Variants in MYH14 observed in about 807,000 individuals in gnomAD.
MYH14 encodes the protein myosin heavy chain 14, also known as myosin-14.
A neutral mutation model predicts 255.5 loss-of-function variants in MYH14; 123 were observed. The ratio of observed to expected loss-of-function variants is 0.48; its 90% CI spans 0.42 to 0.56. The LOEUF (loss-of-function observed/expected upper bound fraction) is 0.56. Among genes scored for constraint, MYH14 ranks in the 20% least tolerant of loss-of-function variants. The probability of loss-of-function intolerance (pLI) is 0.00; values close to 1 mark genes in which losing one functional copy is unlikely to be tolerated. For synonymous variants in MYH14, 1,095 were observed against 1,161.2 expected, an observed-to-expected ratio of 0.94 and a Z score of 1.16; for missense variants, 2,423 against 2,802.3, an observed-to-expected ratio of 0.86 and a Z score of 3.06.
intron 2 of MYH14, among the ~76,000 whole-genome samples, chr19:50,216,466 G>A (rs2032478553): frequency 6.6e-6 from 1 of 152,016 alleles, no homozygotes; most frequent in Non-Finnish European, 1.5e-5. Context: ...TAGCCTAGTG[G>A]ATTGACACAC....
chr19:50,236,351 G>A (rs548513314), intron 10 of MYH14, among the ~76,000 whole-genome samples: 2 of 151,798 alleles, frequency 1.3e-5, no homozygotes, highest in African/African-American at 4.8e-5. Context: ...ACAAGCTACC[G>A]TGAATATCCT....
Position 50,230,900 on chromosome 19 carries a change from C to T in MYH14, c.973+277C>T, listed in dbSNP as rs374300056. On this transcript the variant is annotated intron_variant, in intron 9 of 42. Coordinates refer to ENST00000642316, the MANE Select transcript of MYH14 (RefSeq NM_001145809.2). The surrounding 1 kb of genome is among the most constrained non-coding windows in gnomAD (Gnocchi z 4.7). The stretch of plus-strand genomic sequence containing the variant: ...CCGCCTGGTGGCTCCTGCTCACGCT[C>T]GCTTCCGAAGCTCCGTGGCTTCTCT... 1.1e-5 allele frequency: 5 copies of T among 452,808 alleles called. No homozygotes were observed. In the East Asian group the frequency reaches 2.0e-4, roughly 18 times the overall value. 28.0% of individuals were successfully genotyped at this position (452,808 alleles called of 1,614,324 possible).
At chr19:50,241,340 C>T (rs756541621) in intron 10 of MYH14, among the ~76,000 whole-genome samples, 6 of 151,994 alleles carry the variant, frequency 3.9e-5, no homozygotes, top group Admixed American at 2.0e-4. Context: ...GAGGCTGAGG[C>T]GGGAGAATCA....
At chr19:50,219,104 A>G (rs1409294307) in intron 3 of MYH14, among the ~76,000 whole-genome samples, 3 of 142,192 alleles carry the variant, frequency 2.1e-5, no homozygotes, top group Non-Finnish European at 4.8e-5. Flanking sequence ...TCACACACAC[A>G]CCATGGGATA....
chr19:50,304,561 G>A (rs1293281444), intron 40 of MYH14, among the ~76,000 whole-genome samples: 1 of 152,162 alleles, frequency 6.6e-6, no homozygotes, highest in Non-Finnish European at 1.5e-5. Context: ...CTGCACTCTA[G>A]CCTGGGCAAC....
chr19:50,209,374 G>C (rs546800177), intron 1 of MYH14, among the ~76,000 whole-genome samples: 1 of 152,220 alleles, frequency 6.6e-6, no homozygotes, highest in South Asian at 2.1e-4. Flanking sequence ...CTGGCCAGGA[G>C]TGGTGGCTCA....
chr19:50,274,428 G>A (rs2035430437), intron 27 of MYH14, among the ~76,000 whole-genome samples: 1 of 152,138 alleles, frequency 6.6e-6, no homozygotes, highest in African/African-American at 2.4e-5. Flanking sequence ...CCGAGTGGCT[G>A]GGACTACAGG....
intron 10 of MYH14, among the ~76,000 whole-genome samples, chr19:50,242,888 G>T (rs998354891): frequency 6.6e-6 from 1 of 152,114 alleles, no homozygotes; most frequent in African/African-American, 2.4e-5. Flanking sequence ...CCTAAATAGT[G>T]CCATGTTAGT....
chr19:50,272,029 C>A (rs2035322413), intron 26 of MYH14, 57 bp downstream of exon 26: 3 of 1,578,236 alleles, frequency 1.9e-6, no homozygotes, highest in South Asian at 2.3e-5. Flanking sequence ...GGACCTCAGG[C>A]AAGCCCCATG....
intron 3 of MYH14, among the ~76,000 whole-genome samples, chr19:50,219,349 A>G (rs1435177400): frequency 6.6e-6 from 1 of 151,890 alleles, no homozygotes; most frequent in Non-Finnish European, 1.5e-5. Context: ...TGGTTCTTTA[A>G]GTAATCTCCA....
intron 2 of MYH14, among the ~76,000 whole-genome samples, chr19:50,216,144 T>C (rs1486034834): frequency 6.6e-6 from 1 of 152,232 alleles, no homozygotes; most frequent in Admixed American, 6.5e-5. Flanking sequence ...CTTGCCTACA[T>C]GATACCCTTG....
intron 17 of MYH14, 148 bp downstream of exon 17, chr19:50,255,466 G>GGAAGTTTCCAGACTCTGTAGCAGCA (rs2034560131): frequency 1.5e-6 from 1 of 657,114 alleles, no homozygotes; most frequent in Non-Finnish European, 2.7e-6. Context: ...TGGCTCCCTT[G>GGAAGTTTCCAGACTCTGTAGCAGCA]GAAGTTTCCA....
intron 40 of MYH14, among the ~76,000 whole-genome samples, chr19:50,303,419 A>AG (rs2036558136): frequency 6.6e-6 from 1 of 152,222 alleles, no homozygotes; most frequent in Admixed American, 6.5e-5. Context: ...TCTAAGAGCA[A>AG]GGGAAAGTGC....
At chr19:50,294,306 A>C (rs905704755) in intron 39 of MYH14, among the ~76,000 whole-genome samples, 1 of 152,186 alleles carries the variant, frequency 6.6e-6, no homozygotes, top group Non-Finnish European at 1.5e-5. Flanking sequence ...CCATCAGAGA[A>C]GGCTTCCTGG....
At position 50,210,706 on chromosome 19, in the gene MYH14, C is replaced by A. The variant is rs1375735168; in HGVS notation, c.341C>A (p.Thr114Asn). The A allele has an allele frequency of 1.3e-6, 2 of 1,576,370 alleles. No individual in the cohort carries two copies. The highest frequency in any genetic ancestry group is 1.7e-6 in the Non-Finnish European group (2 of 1,162,112). ...FSKAEDMAEL[T>N]CLNEASVLHN... ...AAGGCCGAGGACATGGCCGAGCTGACCTGCCTCAACGAGGCCTCGGTCCTG... is the reference window on the plus strand; with the variant it reads ...AAGGCCGAGGACATGGCCGAGCTGAACTGCCTCAACGAGGCCTCGGTCCTG... The change falls in exon 2 of 43, where the codon ACC becomes AAC. Residue 114 changes from threonine to asparagine, a missense_variant. By Grantham distance (65) the Thr-to-Asn change is moderately conservative (BLOSUM62 0). Transcript: ENST00000642316.
At chr19:50,242,667 G>A (rs768396793) in intron 10 of MYH14, among the ~76,000 whole-genome samples, 1 of 152,150 alleles carries the variant, frequency 6.6e-6, no homozygotes, top group African/African-American at 2.4e-5. Context: ...CGTGAAAACT[G>A]TTCTACAATG....
intron 2 of MYH14, among the ~76,000 whole-genome samples, chr19:50,215,577 C>G (rs2032433821): frequency 6.6e-6 from 1 of 152,146 alleles, no homozygotes; most frequent in African/African-American, 2.4e-5. Flanking sequence ...CCCAGGCATG[C>G]CGGGGTGGGA....
intron 39 of MYH14, among the ~76,000 whole-genome samples, chr19:50,294,643 C>T (rs1322253054): frequency 2.6e-5 from 4 of 151,138 alleles, no homozygotes; most frequent in African/African-American, 9.7e-5. Flanking sequence ...GAGGGAGGAT[C>T]GCTTCAGCCT....
intron 1 of MYH14, 21 bp downstream of exon 1, chr19:50,203,692 G>A (rs1426056324): frequency 6.6e-6 from 1 of 152,366 alleles, no homozygotes; most frequent in Non-Finnish European, 1.5e-5. Flanking sequence ...GGGGCCGGCA[G>A]CCCTCCGGGG....
Sources: gnomAD v4.1 joint callset for allele counts (sites outside exome capture counted in the v4.1 genomes callset) on GRCh38, gnomAD v4.1.1 for gene constraint, Gnocchi (gnomAD v3.1) non-coding constraint, MANE v1.5 for transcripts, NCBI Gene and HGNC (gene_info 2026-07-23, HGNC 2026-07-21) for gene names.